NME7: variants seen among roughly 807,000 people sequenced by gnomAD.
The protein encoded by NME7 is nucleoside diphosphate kinase 7.
A neutral mutation model predicts 49.1 loss-of-function variants in NME7; 41 were observed. That is an observed-to-expected ratio of 0.83 (90% CI 0.65 to 1.08). The LOEUF (loss-of-function observed/expected upper bound fraction) is 1.08, where lower values mean the gene tolerates loss of function less well. NME7 is among the 50% of genes least tolerant of loss of function. The pLI is 0.00. For missense variants in NME7, 423 were observed against 463.4 expected, an observed-to-expected ratio of 0.91 and a Z score of 0.80; for synonymous variants, 139 against 150.6, an observed-to-expected ratio of 0.92 and a Z score of 0.56.
At chr1:169,197,657 A>G (rs1660426774) in intron 10 of NME7, among the ~76,000 whole-genome samples, 1 of 152,260 alleles carries the variant, frequency 6.6e-6, no homozygotes, top group East Asian at 1.9e-4. Context: ...CTGGATAGCA[A>G]TGTGCAAAAA....
intron 10 of NME7, among the ~76,000 whole-genome samples, chr1:169,216,212 C>A (rs1265499137): frequency 6.6e-6 from 1 of 152,190 alleles, no homozygotes; most frequent in Non-Finnish European, 1.5e-5. Context: ...GCTGACACCA[C>A]CCAGGTAGCT....
At chr1:169,328,073 A>G (rs1307896232) in intron 1 of NME7, among the ~76,000 whole-genome samples, 1 of 152,170 alleles carries the variant, frequency 6.6e-6, no homozygotes, top group East Asian at 1.9e-4. Flanking sequence ...GAGCACACCA[A>G]TCTGATAAGT....
At chr1:169,174,767 AC>A (rs1393262591) in intron 10 of NME7, among the ~76,000 whole-genome samples, 1 of 152,150 alleles carries the variant, frequency 6.6e-6, no homozygotes, top group Admixed American at 6.5e-5. Flanking sequence ...AATGATGTAG[AC>A]CTATAGAGGG....
chr1:169,139,644 A>G (rs1658533063), intron 11 of NME7, among the ~76,000 whole-genome samples: 1 of 152,250 alleles, frequency 6.6e-6, no homozygotes, highest in Non-Finnish European at 1.5e-5. Flanking sequence ...TAAATATTGC[A>G]TAATAAATAT....
chr1:169,156,499 A>T (rs554844325), intron 11 of NME7, among the ~76,000 whole-genome samples: 88 of 152,340 alleles, frequency 5.8e-4, no homozygotes, highest in Non-Finnish European at 1.1e-3. Flanking sequence ...GATTTTCCAT[A>T]GTTATTAATT....
chr1:169,278,992 A>G (rs939011074), intron 7 of NME7, among the ~76,000 whole-genome samples: 1 of 152,166 alleles, frequency 6.6e-6, no homozygotes, highest in Non-Finnish European at 1.5e-5. Context: ...GTGTCTGCAG[A>G]ACAGTGGATT....
chr1:169,254,118 G>C (rs1358768727), intron 7 of NME7, among the ~76,000 whole-genome samples: 29 of 149,794 alleles, frequency 1.9e-4, no homozygotes, highest in Non-Finnish European at 3.9e-4. Context: ...CTATTGATTG[G>C]AATAGTTTCA....
At chr1:169,361,601 G>A (rs1653655469) in intron 1 of NME7, among the ~76,000 whole-genome samples, 1 of 152,074 alleles carries the variant, frequency 6.6e-6, no homozygotes, top group Non-Finnish European at 1.5e-5. Flanking sequence ...CCAAAATGGC[G>A]AAACCCCGTC....
intron 5 of NME7, among the ~76,000 whole-genome samples, chr1:169,299,430 T>C (rs2101907755): frequency 6.6e-6 from 1 of 152,264 alleles, no homozygotes; most frequent in South Asian, 2.1e-4. Flanking sequence ...AAGACAATAC[T>C]TCATTTTATT....
At chr1:169,218,462 T>TATA (rs1490499013) in intron 10 of NME7, among the ~76,000 whole-genome samples, 1 of 151,944 alleles carries the variant, frequency 6.6e-6, no homozygotes, top group East Asian at 1.9e-4. Flanking sequence ...AGCACATGCC[T>TATA]ATAGTCCCAG....
At chr1:169,181,042 C>G (rs1293659889) in intron 10 of NME7, among the ~76,000 whole-genome samples, 3 of 152,222 alleles carry the variant, frequency 2.0e-5, no homozygotes, top group African/African-American at 7.2e-5. Flanking sequence ...ATTAACCTCT[C>G]TCATGCTAAT....
At chr1:169,193,741 C>A (rs1660296807) in intron 10 of NME7, among the ~76,000 whole-genome samples, 1 of 151,998 alleles carries the variant, frequency 6.6e-6, no homozygotes, top group African/African-American at 2.4e-5. Flanking sequence ...TTGAGCCCCT[C>A]CTTCTGACTG....
At chr1:169,356,883 T>C (rs2101985124) in intron 1 of NME7, among the ~76,000 whole-genome samples, 1 of 152,310 alleles carries the variant, frequency 6.6e-6, no homozygotes, top group South Asian at 2.1e-4. Flanking sequence ...AAAGAAAACC[T>C]GAAGCTCAGT....
At chr1:169,289,418 A>G (rs1650407175) in intron 6 of NME7, among the ~76,000 whole-genome samples, 1 of 152,180 alleles carries the variant, frequency 6.6e-6, no homozygotes, top group Admixed American at 6.6e-5. Flanking sequence ...TGCATGTGCT[A>G]AACAAAATAA....
intron 7 of NME7, among the ~76,000 whole-genome samples, chr1:169,239,039 G>A (rs970851366): frequency 1.1e-4 from 16 of 152,086 alleles, no homozygotes; most frequent in East Asian, 7.7e-4. Context: ...AACACTGAGC[G>A]TCCATGAGAA....
chr1:169,166,965 C>T (rs1659431953), intron 11 of NME7, among the ~76,000 whole-genome samples: 1 of 152,152 alleles, frequency 6.6e-6, no homozygotes, highest in Admixed American at 6.5e-5. Flanking sequence ...GAGTGAGACT[C>T]CCTCTCAATA....
chr1:169,226,809 G>A (rs1006884367), intron 10 of NME7, among the ~76,000 whole-genome samples: 2 of 152,134 alleles, frequency 1.3e-5, no homozygotes, highest in Non-Finnish European at 2.9e-5. Flanking sequence ...GATAACCACT[G>A]TTAACATTTT....
rs1557831935 is a variant in NME7, at chr1:169,342,970, TACAA to T, written c.4-18474_4-18471del. Among the ~76,000 whole-genome samples, 111 of 91,830 alleles carry T rather than the reference TACAA, an allele frequency of 1.2e-3. 29 individuals are homozygous for T. The highest frequency in any genetic ancestry group is 6.2e-3 in the Middle Eastern group (1 of 162). The allele number at this position is 91,830 out of a possible 152,430, so 60.2% of individuals were successfully genotyped here. A position where few individuals can be genotyped will look rare whatever the true frequency, so the allele number is the denominator to read the frequency against. ...TTGTATTAGTATATATATATATATA[TACAA>T]GTACATATATATACTTGTATTAGTA... On this transcript the variant is annotated intron_variant, in intron 1 of 11. Coordinates refer to ENST00000367811, the MANE Select transcript of NME7 (RefSeq NM_013330.5).
chr1:169,342,035 G>T (rs1478985887), intron 1 of NME7, among the ~76,000 whole-genome samples: 2 of 152,190 alleles, frequency 1.3e-5, no homozygotes, highest in African/African-American at 4.8e-5. Flanking sequence ...CTATTGGAAA[G>T]GCATGATTGG....
Sources: gnomAD v4.1 joint callset for allele counts (sites outside exome capture counted in the v4.1 genomes callset) on GRCh38, gnomAD v4.1.1 for gene constraint, MANE v1.5 for transcripts, NCBI Gene and HGNC (gene_info 2026-07-23, HGNC 2026-07-21) for gene names.